APBB1IP: variants seen among roughly 807,000 people sequenced by gnomAD.
The protein encoded by APBB1IP is amyloid beta A4 precursor protein-binding family B member 1-interacting protein.
APBB1IP carries 27 observed loss-of-function variants against 64.9 expected under a neutral mutation model. That is an observed-to-expected ratio of 0.42 (90% CI 0.31 to 0.57). APBB1IP has a LOEUF of 0.57. Among genes scored for constraint, APBB1IP ranks in the 20% least tolerant of loss-of-function variants. The pLI, the probability that APBB1IP is intolerant of heterozygous loss-of-function variation, is 0.20. For synonymous variants in APBB1IP, 392 were observed against 331.0 expected (o/e 1.18, Z -2.00); for missense variants, 812 against 845.5 (o/e 0.96, Z 0.49).
intron 11 of APBB1IP, among the ~76,000 whole-genome samples, chr10:26,559,585 G>A (rs1012016617): frequency 6.6e-6 from 1 of 150,646 alleles, no homozygotes; most frequent in African/African-American, 2.4e-5. Context: ...TTAAAAAGAT[G>A]TGCTTATGAT....
intron 13 of APBB1IP, chr10:26,561,922 T>TA (rs1252220021): frequency 5.8e-6 from 1 of 172,746 alleles, no homozygotes; most frequent in Admixed American, 5.7e-5. Flanking sequence ...AAATACATTT[T>TA]AAAAAAATCA....
intron 2 of APBB1IP, among the ~76,000 whole-genome samples, chr10:26,481,724 G>A (rs1835835917): frequency 6.6e-6 from 1 of 151,952 alleles, no homozygotes; most frequent in African/African-American, 2.4e-5. Flanking sequence ...CTGGCCTCAA[G>A]TGATCCTCCC....
At chr10:26,504,300 T>G (rs1836144634) in intron 6 of APBB1IP, among the ~76,000 whole-genome samples, 1 of 152,232 alleles carries the variant, frequency 6.6e-6, no homozygotes, top group Non-Finnish European at 1.5e-5. Flanking sequence ...GCCTGTAAGT[T>G]GATCATGCAT....
At chr10:26,540,934 CT>C (rs112339018) in intron 10 of APBB1IP, among the ~76,000 whole-genome samples, 1,827 of 139,798 alleles carry the variant, frequency 0.013, 18 homozygotes, top group African/African-American at 0.033. Context: ...CTGAGGGGGA[CT>C]TTTTTTTTTT....
chr10:26,452,889 T>C (rs142435647), intron 2 of APBB1IP, among the ~76,000 whole-genome samples: 103 of 148,702 alleles, frequency 6.9e-4, no homozygotes, highest in African/African-American at 2.4e-3. Context: ...CTTCCACTTA[T>C]AAGTGAGAAC....
At chr10:26,527,933 C>T (rs1443681062) in intron 8 of APBB1IP, among the ~76,000 whole-genome samples, 1 of 152,084 alleles carries the variant, frequency 6.6e-6, no homozygotes, top group African/African-American at 2.4e-5. Flanking sequence ...CTCAGGTGAT[C>T]CAACAGCCTT....
intron 2 of APBB1IP, among the ~76,000 whole-genome samples, chr10:26,441,905 C>T (rs1443902429): frequency 6.6e-6 from 1 of 152,078 alleles, no homozygotes; most frequent in Non-Finnish European, 1.5e-5. Context: ...TACTACCAGG[C>T]CCTGTACTAA....
intron 2 of APBB1IP, among the ~76,000 whole-genome samples, chr10:26,473,730 A>G (rs1835745498): frequency 6.6e-6 from 1 of 152,218 alleles, no homozygotes; most frequent in South Asian, 2.1e-4. Flanking sequence ...GGCCAGGCAC[A>G]GTGGCCCATG....
In APBB1IP at chr10:26,533,508, A is replaced by T; in HGVS notation, c.883A>T (p.Lys295Ter). 1 of 1,604,468 alleles carries T rather than the reference A, an allele frequency of 6.2e-7. No individual in the cohort carries two copies. Among genetic ancestry groups the T allele is most frequent in the Non-Finnish European group, 8.5e-7 (1 of 1,176,218 alleles). The part of the protein sequence containing the change: ...ETNEKMNAKN[K>*]ESLLEESFCG... ...TAATGAGAAAATGAATGCTAAGAAC[A>T]AGGAATCCTTACTTGAGGTAAGGTT... The change falls in exon 9 of 15, where the codon AAG becomes TAG. Residue 295 changes from lysine (K) to a stop codon, truncating the protein, a stop_gained. Transcript: ENST00000376236. LOFTEE classifies it high-confidence loss of function.
intron 8 of APBB1IP, among the ~76,000 whole-genome samples, chr10:26,529,419 G>C (rs185498859): frequency 5.8e-4 from 88 of 152,334 alleles, no homozygotes; most frequent in East Asian, 2.1e-3. Flanking sequence ...AGTGTAGCAT[G>C]GTCACTTAGA....
intron 2 of APBB1IP, among the ~76,000 whole-genome samples, chr10:26,445,502 G>A (rs778318172): frequency 4.6e-5 from 7 of 152,184 alleles, no homozygotes; most frequent in East Asian, 1.9e-4. Context: ...CTCCCGCTTC[G>A]GCCTCCTAAA....
At chr10:26,496,230 G>T in intron 3 of APBB1IP, 74 bp from the exon 4 acceptor site, 2 of 1,130,028 alleles carry the variant, frequency 1.8e-6, no homozygotes, top group Admixed American at 1.9e-5. Context: ...CATGGTTTTT[G>T]ACTTGCTGAG....
intron 2 of APBB1IP, among the ~76,000 whole-genome samples, chr10:26,471,272 C>G (rs185486662): frequency 6.6e-6 from 1 of 152,224 alleles, no homozygotes; most frequent in Non-Finnish European, 1.5e-5. Context: ...ACAAGAGATA[C>G]GTGCACAAAA....
intron 8 of APBB1IP, among the ~76,000 whole-genome samples, chr10:26,519,339 C>T (rs2132451772): frequency 6.6e-6 from 1 of 152,226 alleles, no homozygotes; most frequent in East Asian, 1.9e-4. Context: ...GTTCTGCAAG[C>T]TGTACAGGAA....
intron 5 of APBB1IP, 36 bp from the exon 6 acceptor site, chr10:26,503,161 A>G (rs773603193): frequency 1.2e-6 from 2 of 1,604,130 alleles, no homozygotes; most frequent in Non-Finnish European, 8.5e-7. Context: ...GTATTACTTA[A>G]TGGACTGTAT....
chr10:26,441,443 C>A (rs1835337315), intron 2 of APBB1IP, among the ~76,000 whole-genome samples: 1 of 152,176 alleles, frequency 6.6e-6, no homozygotes, highest in Non-Finnish European at 1.5e-5. Flanking sequence ...ATTGTACCTG[C>A]AGCTTGGAAG....
At chr10:26,518,662 T>G (rs1199409163) in intron 8 of APBB1IP, among the ~76,000 whole-genome samples, 2 of 152,252 alleles carry the variant, frequency 1.3e-5, no homozygotes, top group African/African-American at 4.8e-5. Flanking sequence ...ATTTTCCTGA[T>G]GCCAGTGATT....
intron 2 of APBB1IP, among the ~76,000 whole-genome samples, chr10:26,456,559 A>T (rs184483645): frequency 1.3e-5 from 2 of 151,968 alleles, no homozygotes; most frequent in Non-Finnish European, 2.9e-5. Context: ...TTTAAGAAGA[A>T]AACTCTGGTG....
At chr10:26,538,412 G>A (rs998246025) in intron 10 of APBB1IP, among the ~76,000 whole-genome samples, 1 of 151,950 alleles carries the variant, frequency 6.6e-6, no homozygotes, top group Non-Finnish European at 1.5e-5. Context: ...GGAGGCCGAG[G>A]CGGGCGAATC....
Sources: gnomAD v4.1 joint callset for allele counts (sites outside exome capture counted in the v4.1 genomes callset) on GRCh38, gnomAD v4.1.1 for gene constraint, MANE v1.5 for transcripts, NCBI Gene and HGNC (gene_info 2026-07-23, HGNC 2026-07-21) for gene names.